The following TMEM45A variants were observed in gnomAD, a reference collection of about 807,000 sequenced individuals.
TMEM45A encodes the protein DNA polymerase-transactivated protein 4.
Under a neutral mutation model 32.0 loss-of-function variants are expected in TMEM45A, and 25 were observed. That is an observed-to-expected ratio of 0.78 (90% CI 0.57 to 1.09). The LOEUF (loss-of-function observed/expected upper bound fraction) is 1.09. TMEM45A is among the 50% of genes least tolerant of loss of function. The pLI, the probability that TMEM45A is intolerant of heterozygous loss-of-function variation, is 0.00. For missense variants in TMEM45A, 302 were observed against 325.0 expected (o/e 0.93, Z 0.54); for synonymous variants, 122 against 114.8 (o/e 1.06, Z -0.40).
chr3:100,558,717 G>C, intron 4 of TMEM45A, 128 bp downstream of exon 4: 3 of 955,996 alleles, frequency 3.1e-6, no homozygotes, highest in Non-Finnish European at 1.6e-6. Flanking sequence ...ATGGGCCTCT[G>C]AGAAGTGATG....
intron 1 of TMEM45A, among the ~76,000 whole-genome samples, chr3:100,509,020 A>G (rs1443084870): frequency 6.6e-6 from 1 of 152,218 alleles, no homozygotes; most frequent in African/African-American, 2.4e-5. Flanking sequence ...AAACAGAATG[A>G]AGAGACAAAC....
At chr3:100,561,036 T>C (rs948444130) in intron 4 of TMEM45A, among the ~76,000 whole-genome samples, 2 of 152,184 alleles carry the variant, frequency 1.3e-5, no homozygotes, top group Admixed American at 6.5e-5. Flanking sequence ...ACTGTTTCCT[T>C]CTTCCTGGTG....
In TMEM45A at chr3:100,519,416, T is replaced by A. The variant is rs1705387286; in HGVS notation, c.-4+26488T>A. ...GTGTGTGTGTGTGTGTGTGTAAAAC[T>A]GACTGTAAGATGTCAAGTTTCAGCC... On this transcript the variant is annotated intron_variant, in intron 1 of 5. Coordinates refer to ENST00000323523, the MANE Select transcript of TMEM45A (RefSeq NM_018004.3). 7 of 671,718 alleles carry A rather than the reference T, an allele frequency of 1.0e-5. No individual in the cohort carries two copies. In the Admixed American group the frequency reaches 1.7e-4, roughly 16 times the overall value. The allele number at this position is 671,718 out of a possible 1,614,324, so 41.6% of individuals were successfully genotyped here.
intron 2 of TMEM45A, 40 bp downstream of exon 2, chr3:100,555,441 T>C: frequency 6.5e-7 from 1 of 1,538,042 alleles, no homozygotes. Flanking sequence ...ACCTTTTAGG[T>C]GTTTTCATTC....
Position 100,567,518 on chromosome 3 carries a change from C to CAAAAAAAA in TMEM45A, c.589-1288_589-1281dup, listed in dbSNP as rs780009246. On this transcript the variant is annotated intron_variant, in intron 4 of 5. Transcript: ENST00000323523. ...ACAGGATCAGCTTTTACCATTTCTGCAAAAAAAAAAAAAAAAAAAAAAAGA... is the reference window on the plus strand; with the variant it reads ...ACAGGATCAGCTTTTACCATTTCTGCAAAAAAAAAAAAAAAAAAAAAAAAAAAAAAAGA... Among the ~76,000 whole-genome samples the CAAAAAAAA allele has an allele frequency of 3.3e-3, 212 of 63,464 alleles. 5 individuals carry two copies. The highest frequency in any genetic ancestry group is 4.7e-3 in the Non-Finnish European group (159 of 33,556). The allele number at this position is 63,464 out of a possible 152,430, so 41.6% of individuals were successfully genotyped here.
At chr3:100,503,997 G>T (rs1039689857) in intron 1 of TMEM45A, among the ~76,000 whole-genome samples, 1 of 152,172 alleles carries the variant, frequency 6.6e-6, no homozygotes. Flanking sequence ...AAGTGCTCAG[G>T]TTTAATGCAG....
At chr3:100,511,117 A>G (rs1465246851) in intron 1 of TMEM45A, among the ~76,000 whole-genome samples, 1 of 151,818 alleles carries the variant, frequency 6.6e-6, no homozygotes, top group East Asian at 1.9e-4. Flanking sequence ...CAGGAAATAC[A>G]GAGAATGCCA....
intron 1 of TMEM45A, among the ~76,000 whole-genome samples, chr3:100,548,394 C>G (rs1706021745): frequency 6.6e-6 from 1 of 152,190 alleles, no homozygotes; most frequent in African/African-American, 2.4e-5. Context: ...AGACACTCAT[C>G]CTCTTATTTG....
chr3:100,533,245 A>T (rs1479139040), intron 1 of TMEM45A, among the ~76,000 whole-genome samples: 1 of 149,578 alleles, frequency 6.7e-6, no homozygotes, highest in Non-Finnish European at 1.5e-5. Flanking sequence ...CTTACAAAAG[A>T]AAAAAAAAAG....
At chr3:100,536,075 C>T (rs1370501604) in intron 1 of TMEM45A, among the ~76,000 whole-genome samples, 3 of 152,118 alleles carry the variant, frequency 2.0e-5, no homozygotes, top group Admixed American at 6.5e-5. Context: ...TTGGTTGTCA[C>T]ATCTAGGGGG....
At chr3:100,574,681 G>A (rs1576298981) in intron 5 of TMEM45A, 1 of 152,202 alleles carries the variant, frequency 6.6e-6, no homozygotes, top group Non-Finnish European at 1.5e-5. Flanking sequence ...CTACTGGCTA[G>A]ATTGTGTCTC....
chr3:100,531,901 T>C (rs1705655066), intron 1 of TMEM45A, among the ~76,000 whole-genome samples: 1 of 152,246 alleles, frequency 6.6e-6, no homozygotes, highest in South Asian at 2.1e-4. Context: ...TTTTGCTGAA[T>C]TTGTAAATTT....
At chr3:100,531,862 C>T (rs568270644) in intron 1 of TMEM45A, among the ~76,000 whole-genome samples, 43 of 152,160 alleles carry the variant, frequency 2.8e-4, no homozygotes, top group African/African-American at 9.6e-4. Flanking sequence ...GAGATGCATT[C>T]GTTTATTTGA....
chr3:100,526,255 G>A (rs1705542742), intron 1 of TMEM45A, among the ~76,000 whole-genome samples: 1 of 152,038 alleles, frequency 6.6e-6, no homozygotes, highest in Non-Finnish European at 1.5e-5. Flanking sequence ...TCCTTCTATG[G>A]GCAATGACAC....
intron 1 of TMEM45A, among the ~76,000 whole-genome samples, chr3:100,541,365 A>C (rs1335344709): frequency 2.0e-5 from 3 of 151,942 alleles, no homozygotes; most frequent in Non-Finnish European, 4.4e-5. Flanking sequence ...TTTTTGTCGC[A>C]ATTGTTTTTG....
intron 1 of TMEM45A, chr3:100,519,366 A>T: frequency 1.8e-6 from 1 of 568,914 alleles, no homozygotes; most frequent in East Asian, 2.8e-5. Context: ...ACATGCATAC[A>T]GGTTGTGTGT....
intron 5 of TMEM45A, chr3:100,573,682 T>C (rs568332807): frequency 2.6e-4 from 40 of 152,268 alleles, no homozygotes; most frequent in African/African-American, 9.1e-4. Context: ...CTTGTGCCAG[T>C]TTTCAAAGGG....
intron 1 of TMEM45A, among the ~76,000 whole-genome samples, chr3:100,497,908 G>A (rs1384107171): frequency 6.6e-6 from 1 of 152,174 alleles, no homozygotes; most frequent in Non-Finnish European, 1.5e-5. Context: ...TATCCTAAAT[G>A]TTTCTTTGAA....
At chr3:100,543,496 T>G (rs1346538978) in intron 1 of TMEM45A, among the ~76,000 whole-genome samples, 1 of 152,158 alleles carries the variant, frequency 6.6e-6, no homozygotes, top group East Asian at 1.9e-4. Flanking sequence ...TGTTTCCTCA[T>G]GCCCTCACCA....
Sources: allele counts gnomAD v4.1 joint callset (sites outside exome capture counted in the v4.1 genomes callset), GRCh38; gene constraint gnomAD v4.1.1; transcripts MANE v1.5; gene names NCBI Gene and HGNC (gene_info 2026-07-23, HGNC 2026-07-21).